The following RNF150 variants were observed in gnomAD, a reference collection of about 807,000 sequenced individuals.
The protein encoded by RNF150 is ring finger protein 150.
Under a neutral mutation model 39.3 loss-of-function variants are expected in RNF150, and 24 were observed. The ratio of observed to expected loss-of-function variants is 0.61; its 90% CI spans 0.44 to 0.86. The LOEUF is 0.86. Ranked by LOEUF, RNF150 falls within the 40% of genes least tolerant of loss-of-function variation. The pLI is 0.00. For synonymous variants in RNF150, 255 were observed against 227.3 expected, an observed-to-expected ratio of 1.12 and a Z score of -1.10; for missense variants, 502 against 587.8, an observed-to-expected ratio of 0.85 and a Z score of 1.51.
intron 1 of RNF150, among the ~76,000 whole-genome samples, chr4:141,087,059 G>A (rs546011660): frequency 3.3e-5 from 5 of 152,182 alleles, no homozygotes; most frequent in Middle Eastern, 3.4e-3. Flanking sequence ...TGTCATGGGG[G>A]TTTGTTGTAC....
intron 1 of RNF150, among the ~76,000 whole-genome samples, chr4:141,188,705 T>C (rs898233324): frequency 6.6e-6 from 1 of 152,226 alleles, no homozygotes; most frequent in Non-Finnish European, 1.5e-5. Flanking sequence ...CTTCAGGTCA[T>C]TTATGCTCTT....
intron 6 of RNF150, among the ~76,000 whole-genome samples, chr4:140,910,790 C>G (rs1236532577): frequency 6.6e-6 from 1 of 152,204 alleles, no homozygotes; most frequent in Non-Finnish European, 1.5e-5. Flanking sequence ...CTGAGCACCC[C>G]TTGTAGTTGC....
chr4:140,859,865 G>A lies in RNF150; in HGVS notation c.*8396C>T, dbSNP rs1469495153. Reference sequence around the variant, plus strand: ...AGAAATTTTGCAGTGAAATTTCCTGGAATTCACAACCCTCATTTAAAAATC... The same window carrying A: ...AGAAATTTTGCAGTGAAATTTCCTGAAATTCACAACCCTCATTTAAAAATC... On this transcript the variant is annotated 3_prime_UTR_variant, in exon 7 of 7. Coordinates refer to ENST00000515673, the MANE Select transcript of RNF150 (RefSeq NM_020724.2). The A allele has an allele frequency of 6.6e-6, 1 of 151,914 alleles. No individual in the cohort carries two copies. The highest frequency in any genetic ancestry group is 2.4e-5 in the African/African-American group (1 of 41,376). 9.4% of individuals were successfully genotyped at this position (151,914 alleles called of 1,614,324 possible).
At chr4:141,011,014 C>T (rs978377010) in intron 1 of RNF150, among the ~76,000 whole-genome samples, 6 of 152,128 alleles carry the variant, frequency 3.9e-5, no homozygotes, top group African/African-American at 9.6e-5. Context: ...ACTTTTATCT[C>T]GAGGTATTGT....
intron 4 of RNF150, among the ~76,000 whole-genome samples, chr4:140,931,649 C>T (rs925437921): frequency 5.3e-5 from 8 of 152,120 alleles, no homozygotes; most frequent in East Asian, 1.9e-4. Flanking sequence ...AAAGCACACA[C>T]GGAAGACAAG....
chr4:140,939,606 T>TTGTG (rs142516967), intron 4 of RNF150, among the ~76,000 whole-genome samples: 17 of 138,588 alleles, frequency 1.2e-4, no homozygotes, highest in African/African-American at 3.7e-4. Context: ...CAAGTGGAGT[T>TTGTG]TGTGTGTGTG....
intron 1 of RNF150, among the ~76,000 whole-genome samples, chr4:141,211,212 T>C (rs1728458823): frequency 6.6e-6 from 1 of 152,180 alleles, no homozygotes; most frequent in South Asian, 2.1e-4. Context: ...ACTTAGTGTC[T>C]AAATAACTTT....
intron 1 of RNF150, among the ~76,000 whole-genome samples, chr4:141,086,562 TA>T (rs1006568110): frequency 2.0e-4 from 30 of 152,096 alleles, no homozygotes; most frequent in Non-Finnish European, 3.1e-4. Context: ...ACAGATGAAC[TA>T]TATGCAAATA....
chr4:141,166,050 T>C (rs1727596791), intron 1 of RNF150, among the ~76,000 whole-genome samples: 1 of 152,018 alleles, frequency 6.6e-6, no homozygotes. Context: ...GATAGACTAC[T>C]AGCCAAACTA....
At chr4:141,204,291 C>T (rs561295648) in intron 1 of RNF150, among the ~76,000 whole-genome samples, 21 of 152,128 alleles carry the variant, frequency 1.4e-4, no homozygotes, top group African/African-American at 4.3e-4. Flanking sequence ...GAGAACAGAA[C>T]AAAAGTTGTC....
At chr4:141,162,465 C>T (rs905941051) in intron 1 of RNF150, among the ~76,000 whole-genome samples, 4 of 152,062 alleles carry the variant, frequency 2.6e-5, no homozygotes, top group Non-Finnish European at 5.9e-5. Flanking sequence ...AGACTTTGGA[C>T]TTTTGAGTTC....
At chr4:141,161,757 G>A (rs1727516260) in intron 1 of RNF150, among the ~76,000 whole-genome samples, 1 of 152,216 alleles carries the variant, frequency 6.6e-6, no homozygotes, top group Non-Finnish European at 1.5e-5. Context: ...AGGGGCCCAG[G>A]TACACCTCAG....
intron 1 of RNF150, among the ~76,000 whole-genome samples, chr4:141,092,791 A>G (rs761112591): frequency 4.0e-5 from 6 of 151,762 alleles, no homozygotes; most frequent in Non-Finnish European, 7.4e-5. Flanking sequence ...TATTGTAAAT[A>G]GGTAAATACA....
chr4:141,150,775 AATTTTC>A (rs1241657609), intron 1 of RNF150, among the ~76,000 whole-genome samples: 1 of 152,216 alleles, frequency 6.6e-6, no homozygotes, highest in Non-Finnish European at 1.5e-5. Context: ...AGAGGGCAGG[AATTTTC>A]ATCCACATTC....
rs752128695 is a variant in RNF150, at chr4:140,860,122, T to C, written c.*8139A>G. ...TGTCTCCTAATAGAAGACAAATTCC[T>C]TTAAAGACAGTTACTTTTTTTTTTT... On this transcript the variant is annotated 3_prime_UTR_variant, in exon 7 of 7. Transcript: ENST00000515673. 1 of 150,742 alleles carries C rather than the reference T, an allele frequency of 6.6e-6. No individual in the cohort carries two copies. Among genetic ancestry groups the C allele is most frequent in the Admixed American group, 6.6e-5 (1 of 15,108 alleles). The allele number at this position is 150,742 out of a possible 1,614,324, so 9.3% of individuals were successfully genotyped here.
At chr4:141,140,295 ATC>A (rs1295411644) in intron 1 of RNF150, among the ~76,000 whole-genome samples, 1 of 152,182 alleles carries the variant, frequency 6.6e-6, no homozygotes, top group African/African-American at 2.4e-5. Flanking sequence ...CCTTTGAATT[ATC>A]AAGTGACTTC....
chr4:140,958,516 ATCATTTTATATT>A (rs1732876228), intron 2 of RNF150, among the ~76,000 whole-genome samples: 1 of 152,140 alleles, frequency 6.6e-6, no homozygotes, highest in Non-Finnish European at 1.5e-5. Context: ...TGAAAAGAAA[ATCATTTTATATT>A]TCTCTCTCCC....
chr4:141,129,943 C>CTA (rs1726848917), intron 1 of RNF150, among the ~76,000 whole-genome samples: 1 of 152,194 alleles, frequency 6.6e-6, no homozygotes, highest in African/African-American at 2.4e-5. Context: ...GATATATCAT[C>CTA]AGCTTTTGCA....
At chr4:141,027,452 CTTG>C (rs1460645472) in intron 1 of RNF150, among the ~76,000 whole-genome samples, 2 of 152,198 alleles carry the variant, frequency 1.3e-5, no homozygotes, top group African/African-American at 4.8e-5. Flanking sequence ...CAGTCCTGCT[CTTG>C]TTCTTCCTCT....
Sources: gnomAD v4.1 joint callset for allele counts (sites outside exome capture counted in the v4.1 genomes callset) on GRCh38, gnomAD v4.1.1 for gene constraint, MANE v1.5 for transcripts, NCBI Gene and HGNC (gene_info 2026-07-23, HGNC 2026-07-21) for gene names.